The following ERBB4 variants were observed in gnomAD, a reference collection of about 807,000 sequenced individuals.
ERBB4 encodes receptor tyrosine-protein kinase erbB-4.
In ERBB4, 42 loss-of-function variants were observed where a neutral mutation model predicts 158.0. That is an observed-to-expected ratio of 0.27 (90% CI 0.21 to 0.34). The LOEUF (loss-of-function observed/expected upper bound fraction) is 0.34, where lower values mean the gene tolerates loss of function less well. ERBB4 is among the 10% of genes least tolerant of loss of function. The pLI, the probability that ERBB4 is intolerant of heterozygous loss-of-function variation, is 1.00. For missense variants in ERBB4, 1,333 were observed against 1,624.1 expected (o/e 0.82, Z 3.08); for synonymous variants, 583 against 558.7 (o/e 1.04, Z -0.61).
intron 1 of ERBB4, among the ~76,000 whole-genome samples, chr2:212,127,677 C>G (rs929779230): frequency 6.6e-6 from 1 of 152,078 alleles, no homozygotes; most frequent in Non-Finnish European, 1.5e-5. Context: ...CAAGACAATT[C>G]TTTTTTCGAT....
At chr2:211,985,800 G>T (rs924823871) in intron 2 of ERBB4, among the ~76,000 whole-genome samples, 1 of 151,894 alleles carries the variant, frequency 6.6e-6, no homozygotes, top group African/African-American at 2.4e-5. Flanking sequence ...TAAAAATCTT[G>T]CTTAAGAGAA....
At chr2:212,090,486 A>G (rs2078740966) in intron 2 of ERBB4, among the ~76,000 whole-genome samples, 1 of 152,050 alleles carries the variant, frequency 6.6e-6, no homozygotes, top group South Asian at 2.1e-4. Context: ...GTCAGCTCAA[A>G]CTGGTCTATC....
chr2:211,618,292 C>T (rs2069470353), intron 19 of ERBB4, among the ~76,000 whole-genome samples: 1 of 151,950 alleles, frequency 6.6e-6, no homozygotes, highest in South Asian at 2.1e-4. Flanking sequence ...TTCAAATTAT[C>T]AATTTTAGCC....
intron 1 of ERBB4, among the ~76,000 whole-genome samples, chr2:212,201,882 C>T (rs1484323107): frequency 6.6e-6 from 1 of 152,062 alleles, no homozygotes; most frequent in Non-Finnish European, 1.5e-5. Flanking sequence ...ACTATTATTC[C>T]TTTTGTTTTG....
intron 19 of ERBB4, among the ~76,000 whole-genome samples, chr2:211,604,874 C>T (rs1385452147): frequency 6.6e-6 from 1 of 152,012 alleles, no homozygotes; most frequent in African/African-American, 2.4e-5. Flanking sequence ...TATATATAAC[C>T]CTTTAGAAAT....
chr2:211,527,477 A>G (rs367728511), intron 20 of ERBB4, among the ~76,000 whole-genome samples: 12 of 152,238 alleles, frequency 7.9e-5, no homozygotes, highest in African/African-American at 2.9e-4. Context: ...GAAGAAAAGC[A>G]TATTAATGAA....
At chr2:211,897,679 T>A (rs2079132885) in intron 3 of ERBB4, among the ~76,000 whole-genome samples, 1 of 152,094 alleles carries the variant, frequency 6.6e-6, no homozygotes, top group African/African-American at 2.4e-5. Context: ...ACCTTTTATC[T>A]ACTTTTTTTG....
chr2:212,157,942 T>C (rs1364873843), intron 1 of ERBB4, among the ~76,000 whole-genome samples: 1 of 152,158 alleles, frequency 6.6e-6, no homozygotes, highest in East Asian at 1.9e-4. Flanking sequence ...AATACACAAA[T>C]CTGATTCTGT....
chr2:212,331,056 T>TTATATATATATATATATATATATATA (rs1195085255), intron 1 of ERBB4, among the ~76,000 whole-genome samples: 1 of 25,270 alleles, frequency 4.0e-5, no homozygotes, highest in Non-Finnish European at 1.9e-4. Flanking sequence ...TATTTGTAAT[T>TTATATATATATATATATATATATATA]TGTATATATA....
rs996896984 is a variant in ERBB4, at chr2:211,621,127, A to C, written c.2203-1852T>G. ...AAGACCCTGTCTCAAGAATAAATAC[A>C]TAAATAAAATTAAATAAGAATATAA... On this transcript the variant is annotated intron_variant, in intron 18 of 27. Coordinates refer to ENST00000342788, the MANE Select transcript of ERBB4 (RefSeq NM_005235.3). Among the ~76,000 whole-genome samples the C allele has an allele frequency of 1.1e-4, 16 of 152,198 alleles. No individual in the cohort carries two copies. In the East Asian group the frequency reaches 2.7e-3, roughly 26 times the overall value.
intron 25 of ERBB4, among the ~76,000 whole-genome samples, chr2:211,398,248 A>AC (rs2062961482): frequency 6.6e-6 from 1 of 151,790 alleles, no homozygotes; most frequent in Admixed American, 6.6e-5. Context: ...ACCTCTTAAT[A>AC]CCCCCAGAAT....
intron 1 of ERBB4, among the ~76,000 whole-genome samples, chr2:212,354,983 C>T (rs2089412117): frequency 6.6e-6 from 1 of 151,818 alleles, no homozygotes. Flanking sequence ...CCTGAGGGAA[C>T]AATGTAAGAG....
intron 2 of ERBB4, among the ~76,000 whole-genome samples, chr2:211,990,999 A>G (rs2082062096): frequency 6.6e-6 from 1 of 151,964 alleles, no homozygotes; most frequent in Non-Finnish European, 1.5e-5. Context: ...ATTTTTAAAT[A>G]GTTTTAAAAA....
At position 212,377,233 on chromosome 2, in the gene ERBB4, A is replaced by G. The variant is rs1032371105; in HGVS notation, c.82+161216T>C. Among the ~76,000 whole-genome samples, 3 of 148,144 alleles carry G rather than the reference A, an allele frequency of 2.0e-5. No homozygotes were observed. In the East Asian group the frequency reaches 5.8e-4, roughly 29 times the overall value. On this transcript the variant is annotated intron_variant, in intron 1 of 27. Transcript: ENST00000342788. The stretch of plus-strand genomic sequence containing the variant: ...TATATATGAATATATATAAAATAAA[A>G]TAAAGTTATATAAAATATATATACA...
intron 3 of ERBB4, among the ~76,000 whole-genome samples, chr2:211,799,649 C>G (rs1178270782): frequency 2.6e-5 from 4 of 152,124 alleles, no homozygotes; most frequent in Admixed American, 2.6e-4. Context: ...AATCTCAGTT[C>G]TCTTCTCTAT....
chr2:211,508,359 AC>A (rs1437502670), intron 20 of ERBB4, among the ~76,000 whole-genome samples: 1 of 152,190 alleles, frequency 6.6e-6, no homozygotes, highest in Non-Finnish European at 1.5e-5. Flanking sequence ...TTTGCAGCCA[AC>A]AAACATATGA....
intron 25 of ERBB4, among the ~76,000 whole-genome samples, chr2:211,407,280 C>A (rs191231145): frequency 6.6e-6 from 1 of 152,138 alleles, no homozygotes; most frequent in Admixed American, 6.5e-5. Flanking sequence ...TCATTTCGAC[C>A]CAAGAATATC....
In ERBB4 at chr2:211,380,039, C is replaced by T; in HGVS notation, c.*3576G>A. ...TAGCTCACACACTATAACACTTAAA[C>T]ACTATTCCTTCTCTTAAATTAGATA... is the stretch of plus-strand genomic sequence containing the variant. On this transcript the variant is annotated 3_prime_UTR_variant, in exon 28 of 28. Transcript: ENST00000342788. The T allele has an allele frequency of 4.3e-6, 1 of 229,944 alleles. No individual in the cohort carries two copies. The highest frequency in any genetic ancestry group is 6.2e-5 in the East Asian group (1 of 16,158). The allele number at this position is 229,944 out of a possible 1,614,324, so 14.2% of individuals were successfully genotyped here.
chr2:211,799,909 CT>C (rs1476583605), intron 3 of ERBB4, among the ~76,000 whole-genome samples: 3 of 152,098 alleles, frequency 2.0e-5, no homozygotes, highest in African/African-American at 7.2e-5. Context: ...GGCAAGACTA[CT>C]AGGCCACGTT....
Sources: allele counts gnomAD v4.1 joint callset (sites outside exome capture counted in the v4.1 genomes callset), GRCh38; gene constraint gnomAD v4.1.1; transcripts MANE v1.5; gene names NCBI Gene and HGNC (gene_info 2026-07-23, HGNC 2026-07-21).